TANC1: variants seen among roughly 807,000 people sequenced by gnomAD.
TANC1 encodes the protein tetratricopeptide repeat, ankyrin repeat and coiled-coil containing 1, also known as protein TANC1.
In TANC1, 77 loss-of-function variants were observed where a neutral mutation model predicts 149.7. The ratio of observed to expected loss-of-function variants is 0.51; its 90% CI spans 0.43 to 0.62. The LOEUF is 0.62. Among genes scored for constraint, TANC1 ranks in the 20% least tolerant of loss-of-function variants. The pLI, the probability that TANC1 is intolerant of heterozygous loss-of-function variation, is 0.00. For missense variants in TANC1, 1,985 were observed against 2,321.8 expected (o/e 0.85, Z 2.98); for synonymous variants, 854 against 925.0 (o/e 0.92, Z 1.39).
At chr2:159,010,676 C>G (rs1374582592) in intron 2 of TANC1, among the ~76,000 whole-genome samples, 3 of 143,748 alleles carry the variant, frequency 2.1e-5, no homozygotes, top group South Asian at 2.3e-4. Flanking sequence ...TGTGGACGGA[C>G]AGGAGACTAC....
chr2:159,041,792 C>T (rs1303727320), intron 2 of TANC1, among the ~76,000 whole-genome samples: 3 of 152,180 alleles, frequency 2.0e-5, no homozygotes, highest in Non-Finnish European at 4.4e-5. Flanking sequence ...GGGCTGCATC[C>T]ACTGTCCACC....
Position 159,136,049 on chromosome 2 carries a change from TGCGCGC to T in TANC1, c.260-137_260-132del, listed in dbSNP as rs35231270. ...GTGTGTGTGTGTGTGTGTGTGTGTG[TGCGCGC>T]GCGCGCGTTTAAGGGAGGGGAAGGC... On this transcript the variant is annotated intron_variant, in intron 4 of 26. Coordinates refer to ENST00000263635, the MANE Select transcript of TANC1 (RefSeq NM_033394.3). 83 of 91,596 alleles carry T rather than the reference TGCGCGC, an allele frequency of 9.1e-4. 9 individuals carry two copies. The highest frequency in any genetic ancestry group is 6.9e-3 in the South Asian group (79 of 11,482). 5.7% of individuals were successfully genotyped at this position (91,596 alleles called of 1,614,324 possible).
chr2:159,231,886 A>G lies in TANC1; in HGVS notation c.*874A>G, dbSNP rs1222334133. 8 of 152,420 alleles carry G rather than the reference A, an allele frequency of 5.2e-5. No homozygotes were observed. The East Asian group carries it at 1.5e-3, about 29-fold the overall frequency. The allele number at this position is 152,420 out of a possible 1,614,324, so 9.4% of individuals were successfully genotyped here. ...TCTAAGGACAATATTTAATTCAGATACTAAAGGTAAGACTGGTTGTTACTT... is the reference window on the plus strand; with the variant it reads ...TCTAAGGACAATATTTAATTCAGATGCTAAAGGTAAGACTGGTTGTTACTT... On this transcript the variant is annotated 3_prime_UTR_variant, in exon 27 of 27. Transcript: ENST00000263635.
chr2:159,015,612 G>T (rs1421973217), intron 2 of TANC1, among the ~76,000 whole-genome samples: 1 of 152,156 alleles, frequency 6.6e-6, no homozygotes, highest in Non-Finnish European at 1.5e-5. Flanking sequence ...GAACTTAGAT[G>T]CTCTGCTTCC....
chr2:159,216,324 G>A (rs142791990), intron 19 of TANC1, among the ~76,000 whole-genome samples: 70 of 152,238 alleles, frequency 4.6e-4, no homozygotes, highest in Non-Finnish European at 7.9e-4. Context: ...ATATAGGTTC[G>A]AGGCTGTATT....
intron 2 of TANC1, among the ~76,000 whole-genome samples, chr2:159,055,374 A>C (rs1488787687): frequency 6.6e-6 from 1 of 152,156 alleles, no homozygotes; most frequent in African/African-American, 2.4e-5. Context: ...TTTCATCCTC[A>C]TGCAAAGCCT....
At chr2:159,055,079 G>T (rs188971676) in intron 2 of TANC1, among the ~76,000 whole-genome samples, 6 of 152,364 alleles carry the variant, frequency 3.9e-5, no homozygotes, top group African/African-American at 1.4e-4. Flanking sequence ...TGACACAAGT[G>T]GGAAACAACA....
At chr2:159,131,212 TC>T (rs1288145513) in intron 4 of TANC1, among the ~76,000 whole-genome samples, 1 of 152,186 alleles carries the variant, frequency 6.6e-6, no homozygotes, top group African/African-American at 2.4e-5. Context: ...ATCTACTTTT[TC>T]CTTAGCAGTT....
intron 4 of TANC1, among the ~76,000 whole-genome samples, chr2:159,122,034 TTGAAG>T (rs1450757037): frequency 6.6e-6 from 1 of 152,104 alleles, no homozygotes; most frequent in East Asian, 1.9e-4. Flanking sequence ...ACCTCCCAGG[TTGAAG>T]TAATCCTCCC....
At chr2:158,993,578 T>G (rs549090941) in intron 1 of TANC1, among the ~76,000 whole-genome samples, 1 of 152,318 alleles carries the variant, frequency 6.6e-6, no homozygotes, top group Admixed American at 6.5e-5. Flanking sequence ...AATCCTCTGT[T>G]CTTAAGAAAT....
At chr2:159,044,451 G>A (rs976873394) in intron 2 of TANC1, among the ~76,000 whole-genome samples, 1 of 152,066 alleles carries the variant, frequency 6.6e-6, no homozygotes, top group Admixed American at 6.6e-5. Context: ...ACTATTTCAA[G>A]AGGTTTGGCG....
intron 3 of TANC1, among the ~76,000 whole-genome samples, chr2:159,096,146 G>T (rs2046102430): frequency 1.3e-5 from 2 of 152,112 alleles, no homozygotes; most frequent in Admixed American, 1.3e-4. Context: ...GTTTGAAGAT[G>T]CTTTTTAAGA....
chr2:159,041,456 G>A (rs1428469919), intron 2 of TANC1, among the ~76,000 whole-genome samples: 3 of 152,286 alleles, frequency 2.0e-5, no homozygotes, highest in Admixed American at 6.5e-5. Context: ...CGAGCTTCCC[G>A]GCTGCTTTGT....
rs994988516 is a variant in TANC1 at position 159,158,285 on chromosome 2, G to A, written c.683-4998G>A. Among the ~76,000 whole-genome samples, 6 of 152,024 alleles carry A rather than the reference G, an allele frequency of 3.9e-5. No individual in the cohort carries two copies. In the East Asian group the frequency reaches 5.8e-4, roughly 15 times the overall value. On this transcript the variant is annotated intron_variant, in intron 7 of 26. Coordinates refer to ENST00000263635, the MANE Select transcript of TANC1 (RefSeq NM_033394.3). Reference sequence around the variant, plus strand: ...TGAGGTGGAAAGATCGTTTGAGCCCGTGAGGTCGAGGCTGCAGTGAGCTGT... The same window carrying A: ...TGAGGTGGAAAGATCGTTTGAGCCCATGAGGTCGAGGCTGCAGTGAGCTGT...
intron 4 of TANC1, among the ~76,000 whole-genome samples, chr2:159,123,319 A>G (rs892714778): frequency 6.6e-6 from 1 of 152,072 alleles, no homozygotes; most frequent in Non-Finnish European, 1.5e-5. Flanking sequence ...GAAGGCTGGG[A>G]TAGTCTTGAC....
At chr2:159,215,036 TC>T (rs1438017073) in intron 19 of TANC1, among the ~76,000 whole-genome samples, 1 of 152,050 alleles carries the variant, frequency 6.6e-6, no homozygotes, top group Non-Finnish European at 1.5e-5. Flanking sequence ...CTGAAGAAGT[TC>T]CCCTCACTGC....
At chr2:159,201,236 C>T (rs1031105787) in intron 19 of TANC1, among the ~76,000 whole-genome samples, 4 of 152,178 alleles carry the variant, frequency 2.6e-5, no homozygotes, top group African/African-American at 9.7e-5. Context: ...ACCCTGAAAT[C>T]TTGCAGGGGG....
At chr2:159,116,456 A>ACAACAAC (rs1553559594) in intron 4 of TANC1, among the ~76,000 whole-genome samples, 244 of 138,240 alleles carry the variant, frequency 1.8e-3, no homozygotes, top group Non-Finnish European at 2.5e-3. Context: ...AACAACAACA[A>ACAACAAC]AAAAAAAAAA....
chr2:158,974,487 A>G (rs1198504236), intron 1 of TANC1, among the ~76,000 whole-genome samples: 1 of 152,142 alleles, frequency 6.6e-6, no homozygotes, highest in Non-Finnish European at 1.5e-5. Flanking sequence ...AGGCTGGAGC[A>G]CAGTGGTACA....
Sources: allele counts gnomAD v4.1 joint callset (sites outside exome capture counted in the v4.1 genomes callset), GRCh38; gene constraint gnomAD v4.1.1; transcripts MANE v1.5; gene names NCBI Gene and HGNC (gene_info 2026-07-23, HGNC 2026-07-21).